FRAS1: variants seen among roughly 807,000 people sequenced by gnomAD.
The protein encoded by FRAS1 is Fraser extracellular matrix complex subunit 1.
In FRAS1, 290 loss-of-function variants were observed where a neutral mutation model predicts 435.2. The ratio of observed to expected loss-of-function variants is 0.67; its 90% CI spans 0.61 to 0.73. The LOEUF (loss-of-function observed/expected upper bound fraction) is 0.73, where lower values mean the gene tolerates loss of function less well. Among genes scored for constraint, FRAS1 ranks in the 30% least tolerant of loss-of-function variants. The pLI, the probability that FRAS1 is intolerant of heterozygous loss-of-function variation, is 0.00. For synonymous variants in FRAS1, 1,800 were observed against 1,851.0 expected, an observed-to-expected ratio of 0.97 and a Z score of 0.71; for missense variants, 4,860 against 5,001.5, an observed-to-expected ratio of 0.97 and a Z score of 0.85.
At position 78,441,259 on chromosome 4, in the gene FRAS1, C is replaced by T. The variant is rs766539615; in HGVS notation, c.5627C>T (p.Ala1876Val). The T allele has an allele frequency of 6.3e-5, 102 of 1,613,358 alleles. No individual in the cohort carries two copies. Among genetic ancestry groups the T allele is most frequent in the Non-Finnish European group, 8.6e-5 (101 of 1,179,592 alleles). Residue 1876 changes from alanine (A) to valine (V), a missense_variant, in exon 41 of 74, where the codon GCT becomes GTT. By Grantham distance (64) the Ala-to-Val change is moderately conservative. Coordinates refer to ENST00000512123, the MANE Select transcript of FRAS1 (RefSeq NM_025074.7). The part of the protein sequence containing the change: ...LQRDAIIKLS[A>V]LPKYGCIENT... The stretch of plus-strand genomic sequence containing the variant: ...AGAGATGCCATCATTAAACTAAGTG[C>T]TCTGCCCAAATATGGCTGCATTGAG...
At chr4:78,274,921 G>A (rs895908728) in intron 9 of FRAS1, among the ~76,000 whole-genome samples, 1 of 152,146 alleles carries the variant, frequency 6.6e-6, no homozygotes, top group Non-Finnish European at 1.5e-5. Flanking sequence ...GGGTGTTAAA[G>A]TCTCCCATTA....
intron 20 of FRAS1, among the ~76,000 whole-genome samples, chr4:78,354,293 A>G (rs988149230): frequency 1.3e-5 from 2 of 152,112 alleles, no homozygotes; most frequent in Non-Finnish European, 2.9e-5. Context: ...TTATTTGGTT[A>G]GTTTTTTAAG....
intron 15 of FRAS1, among the ~76,000 whole-genome samples, chr4:78,313,873 A>G (rs1195342381): frequency 6.6e-6 from 1 of 152,154 alleles, no homozygotes; most frequent in Non-Finnish European, 1.5e-5. Flanking sequence ...CATAGCCTTC[A>G]CTTTCATTTG....
chr4:78,401,601 A>T (rs1430060706), intron 30 of FRAS1, among the ~76,000 whole-genome samples: 1 of 152,108 alleles, frequency 6.6e-6, no homozygotes, highest in Non-Finnish European at 1.5e-5. Context: ...TGGAATTAAG[A>T]TGCTGCATAA....
chr4:78,253,252 C>T (rs574129661), intron 5 of FRAS1, among the ~76,000 whole-genome samples: 3 of 152,316 alleles, frequency 2.0e-5, no homozygotes, highest in African/African-American at 7.2e-5. Flanking sequence ...CACAGGCAGT[C>T]AGACCTTATG....
At chr4:78,393,978 GC>G (rs796248564) in intron 29 of FRAS1, among the ~76,000 whole-genome samples, 4 of 151,850 alleles carry the variant, frequency 2.6e-5, no homozygotes, top group African/African-American at 9.6e-5. Flanking sequence ...GATTATGTAT[GC>G]TTTTCATATA....
At chr4:78,277,344 C>T (rs1727098149) in intron 9 of FRAS1, among the ~76,000 whole-genome samples, 1 of 152,094 alleles carries the variant, frequency 6.6e-6, no homozygotes, top group African/African-American at 2.4e-5. Flanking sequence ...TCCGACAAGC[C>T]CCAGTGAGAT....
chr4:78,316,366 G>A (rs1206657537), intron 16 of FRAS1, among the ~76,000 whole-genome samples: 6 of 152,076 alleles, frequency 3.9e-5, no homozygotes, highest in African/African-American at 1.4e-4. Context: ...TGAAACATAT[G>A]CCCACATCCT....
At chr4:78,237,856 G>C (rs1462659384) in intron 3 of FRAS1, among the ~76,000 whole-genome samples, 1 of 152,128 alleles carries the variant, frequency 6.6e-6, no homozygotes, top group Admixed American at 6.5e-5. Flanking sequence ...CTGGACCAGG[G>C]ACTTGGCTTA....
chr4:78,362,348 C>G (rs1314198275), intron 20 of FRAS1, among the ~76,000 whole-genome samples: 1 of 152,242 alleles, frequency 6.6e-6, no homozygotes, highest in Admixed American at 6.5e-5. Context: ...CCTGTTGATG[C>G]AGGATTTTTC....
chr4:78,258,066 C>T (rs1254897639), intron 6 of FRAS1, among the ~76,000 whole-genome samples: 1 of 152,074 alleles, frequency 6.6e-6, no homozygotes, highest in African/African-American at 2.4e-5. Flanking sequence ...ATGAGCCAGG[C>T]ATGGTGGTTC....
intron 57 of FRAS1, 119 bp downstream of exon 57, chr4:78,482,083 T>A: frequency 9.4e-7 from 1 of 1,059,776 alleles, no homozygotes; most frequent in Non-Finnish European, 1.4e-6. Context: ...TTCCTTTCTT[T>A]AAAAACACAC....
At chr4:78,163,022 C>A (rs990739365) in intron 2 of FRAS1, among the ~76,000 whole-genome samples, 40 of 152,166 alleles carry the variant, frequency 2.6e-4, no homozygotes, top group Non-Finnish European at 1.2e-4. Flanking sequence ...GGGCTAGACG[C>A]CTTCAGTGTT....
At position 78,540,570 on chromosome 4, in the gene FRAS1, A is replaced by T; in HGVS notation, c.11485A>T (p.Ile3829Phe). The T allele has an allele frequency of 6.6e-7, 1 of 1,515,028 alleles. No individual in the cohort carries two copies. The highest frequency in any genetic ancestry group is 8.8e-7 in the Non-Finnish European group (1 of 1,132,752). The allele number at this position is 1,515,028 out of a possible 1,614,324, so 93.8% of individuals were successfully genotyped here. The change falls in exon 74 of 74, where the codon ATC becomes TTC. Residue 3829 changes from isoleucine (I) to phenylalanine (F), a missense_variant. By Grantham distance (21) the Ile-to-Phe change is conservative (BLOSUM62 0). Coordinates refer to ENST00000512123, the MANE Select transcript of FRAS1 (RefSeq NM_025074.7). ...GHQWYLQVIY[I>F]IGPDTISGPR... ...CCAGTGGTATCTCCAGGTCATCTAC[A>T]TCATTGGCCCTGACACCATCTCAGG...
In FRAS1 at chr4:78,521,645, G is replaced by T; in HGVS notation, c.10648+15G>T. On this transcript the variant is annotated intron_variant, in intron 68 of 73. Transcript: ENST00000512123. ...CAAATTCAGAGGTAATATCAATGCC[G>T]TTTTTTTTTTCCAACTTTTTATTAA... The T allele has an allele frequency of 7.3e-7, 1 of 1,366,098 alleles. No individual in the cohort carries two copies. Among genetic ancestry groups the T allele is most frequent in the South Asian group, 1.3e-5 (1 of 76,806 alleles). 84.6% of individuals were successfully genotyped at this position (1,366,098 alleles called of 1,614,324 possible).
intron 2 of FRAS1, among the ~76,000 whole-genome samples, chr4:78,123,057 T>C (rs1251616815): frequency 6.6e-6 from 1 of 152,232 alleles, no homozygotes; most frequent in Admixed American, 6.5e-5. Flanking sequence ...TGCCCATGCC[T>C]ATGTCCTGAA....
At chr4:78,429,316 G>A (rs1030534165) in intron 36 of FRAS1, 90 bp downstream of exon 36, 3 of 1,451,384 alleles carry the variant, frequency 2.1e-6, no homozygotes, top group Non-Finnish European at 2.7e-6. Context: ...TGCCAAAAAA[G>A]CAAACTCTTC....
chr4:78,307,646 C>G (rs572510685), intron 14 of FRAS1, among the ~76,000 whole-genome samples: 260 of 152,322 alleles, frequency 1.7e-3, no homozygotes, highest in African/African-American at 6.2e-3. Context: ...CCCTGTCTTT[C>G]ACTAGGAAGG....
chr4:78,320,250 T>G (rs1729447908), intron 18 of FRAS1, among the ~76,000 whole-genome samples: 1 of 152,210 alleles, frequency 6.6e-6, no homozygotes, highest in Non-Finnish European at 1.5e-5. Flanking sequence ...CTCCTGTGGC[T>G]CTGTTTTTAT....
Sources: gnomAD v4.1 joint callset for allele counts (sites outside exome capture counted in the v4.1 genomes callset) on GRCh38, gnomAD v4.1.1 for gene constraint, MANE v1.5 for transcripts, NCBI Gene and HGNC (gene_info 2026-07-23, HGNC 2026-07-21) for gene names.